The following PRKAR2B variants were observed in gnomAD, a reference collection of about 807,000 sequenced individuals.
PRKAR2B encodes the protein protein kinase cAMP-dependent type II regulatory subunit beta.
In PRKAR2B, 14 loss-of-function variants were observed where a neutral mutation model predicts 49.9. That is an observed-to-expected ratio of 0.28 (90% CI 0.19 to 0.44). PRKAR2B has a LOEUF of 0.44. Ranked by LOEUF, PRKAR2B falls within the 20% of genes least tolerant of loss-of-function variation. The pLI, the probability that PRKAR2B is intolerant of heterozygous loss-of-function variation, is 1.00. For synonymous variants in PRKAR2B, 196 were observed against 197.7 expected (o/e 0.99, Z 0.07); for missense variants, 393 against 537.9 (o/e 0.73, Z 2.67).
chr7:107,083,563 T>C (rs1794556652), intron 2 of PRKAR2B, among the ~76,000 whole-genome samples: 1 of 152,140 alleles, frequency 6.6e-6, no homozygotes, highest in African/African-American at 2.4e-5. Context: ...CTTTTTATTT[T>C]TAATATTATT....
intron 3 of PRKAR2B, among the ~76,000 whole-genome samples, chr7:107,122,865 G>A (rs1297262682): frequency 6.6e-6 from 1 of 152,040 alleles, no homozygotes; most frequent in Non-Finnish European, 1.5e-5. Flanking sequence ...TTTTATTCCT[G>A]GACCCATGGG....
In PRKAR2B at chr7:107,159,636, T is replaced by G; in HGVS notation, c.*54T>G. 6.4e-7 allele frequency: 1 copy of G among 1,565,992 alleles called. No individual in the cohort carries two copies. The highest frequency in any genetic ancestry group is 1.8e-5 in the Admixed American group (1 of 56,172). On this transcript the variant is annotated 3_prime_UTR_variant, in exon 11 of 11. Coordinates refer to ENST00000265717, the MANE Select transcript of PRKAR2B (RefSeq NM_002736.3). ...GACAAAATTACACAGTAGTGGTTAGTCCACTGAGAATGTGTTTGTGTAGAT... is the reference window on the plus strand; with the variant it reads ...GACAAAATTACACAGTAGTGGTTAGGCCACTGAGAATGTGTTTGTGTAGAT...
chr7:107,101,338 G>A (rs1422638950), intron 2 of PRKAR2B, among the ~76,000 whole-genome samples: 1 of 152,066 alleles, frequency 6.6e-6, no homozygotes, highest in Non-Finnish European at 1.5e-5. Context: ...ACTTGTGTGA[G>A]TTTGGGGGCA....
rs929214250 is a variant in PRKAR2B at position 107,054,184 on chromosome 7, C to G, written c.307+8970C>G. On this transcript the variant is annotated intron_variant, in intron 1 of 10. Transcript: ENST00000265717. ...CTAACTTGGTGAAACCCCGTCTCTA[C>G]TAAAAATACACACAAAAAAATTAGC... Among the ~76,000 whole-genome samples the G allele has an allele frequency of 3.9e-5, 6 of 152,024 alleles. No individual in the cohort carries two copies. In the South Asian group the frequency reaches 1.0e-3, roughly 26 times the overall value.
At chr7:107,100,191 C>G (rs1794932360) in intron 2 of PRKAR2B, among the ~76,000 whole-genome samples, 1 of 151,996 alleles carries the variant, frequency 6.6e-6, no homozygotes, top group Non-Finnish European at 1.5e-5. Flanking sequence ...CATTTGCTAG[C>G]TGCAAATACT....
At chr7:107,137,450 C>A (rs1419314544) in intron 4 of PRKAR2B, among the ~76,000 whole-genome samples, 1 of 152,184 alleles carries the variant, frequency 6.6e-6, no homozygotes, top group Non-Finnish European at 1.5e-5. Context: ...TATATGACAG[C>A]TTATTTATCC....
intron 2 of PRKAR2B, among the ~76,000 whole-genome samples, chr7:107,094,639 A>G (rs978976567): frequency 4.4e-4 from 67 of 152,176 alleles, no homozygotes; most frequent in Non-Finnish European, 1.8e-4. Flanking sequence ...TTATGGTTTT[A>G]GGTCTAACAT....
chr7:107,072,609 T>G (rs551738690), intron 2 of PRKAR2B, among the ~76,000 whole-genome samples: 136 of 152,302 alleles, frequency 8.9e-4, no homozygotes, highest in African/African-American at 2.8e-3. Flanking sequence ...ACAAAGAATA[T>G]AGAAACAGTC....
At chr7:107,048,716 A>G (rs897583807) in intron 1 of PRKAR2B, among the ~76,000 whole-genome samples, 1 of 152,192 alleles carries the variant, frequency 6.6e-6, no homozygotes, top group Non-Finnish European at 1.5e-5. Flanking sequence ...AAACAGTCAG[A>G]TGGGTGAAGG....
intron 2 of PRKAR2B, among the ~76,000 whole-genome samples, chr7:107,118,828 A>G (rs945506659): frequency 6.6e-6 from 1 of 152,344 alleles, no homozygotes; most frequent in Admixed American, 6.5e-5. Context: ...GGAGCTTTAT[A>G]AGGCACGATG....
chr7:107,067,182 C>G (rs963322839), intron 1 of PRKAR2B: 1 of 152,202 alleles, frequency 6.6e-6, no homozygotes, highest in Non-Finnish European at 1.5e-5. Context: ...TGGCCAGATG[C>G]ACATTTCTTT....
chr7:107,055,676 T>G (rs1350462571), intron 1 of PRKAR2B, among the ~76,000 whole-genome samples: 1 of 152,242 alleles, frequency 6.6e-6, no homozygotes, highest in East Asian at 1.9e-4. Flanking sequence ...TTTTTTCTTG[T>G]AAATTTGTTT....
intron 6 of PRKAR2B, among the ~76,000 whole-genome samples, chr7:107,149,398 A>G (rs1795945005): frequency 6.6e-6 from 1 of 152,088 alleles, no homozygotes; most frequent in Non-Finnish European, 1.5e-5. Flanking sequence ...TTTATTTCTC[A>G]TGGTCTGGAC....
chr7:107,094,032 T>C (rs1794787825), intron 2 of PRKAR2B, among the ~76,000 whole-genome samples: 1 of 152,200 alleles, frequency 6.6e-6, no homozygotes, highest in African/African-American at 2.4e-5. Context: ...TACCCAGTAA[T>C]GGGATGGCTG....
At chr7:107,133,598 T>C (rs1795641765) in intron 4 of PRKAR2B, 1 of 152,212 alleles carries the variant, frequency 6.6e-6, no homozygotes, top group South Asian at 2.1e-4. Flanking sequence ...GCTGTTTCAC[T>C]GCTACCTTGG....
chr7:107,125,780 A>G (rs1795471189), intron 3 of PRKAR2B, among the ~76,000 whole-genome samples: 1 of 152,056 alleles, frequency 6.6e-6, no homozygotes, highest in Admixed American at 6.6e-5. Flanking sequence ...GGCTGAGAAA[A>G]AAAATACTAC....
chr7:107,097,726 A>G (rs548136299), intron 2 of PRKAR2B, among the ~76,000 whole-genome samples: 4 of 152,080 alleles, frequency 2.6e-5, no homozygotes, highest in Non-Finnish European at 5.9e-5. Context: ...ATCTCTCAGC[A>G]TTTGCTTGTC....
intron 2 of PRKAR2B, among the ~76,000 whole-genome samples, chr7:107,074,042 C>A (rs1333789549): frequency 6.6e-6 from 1 of 152,050 alleles, no homozygotes; most frequent in East Asian, 1.9e-4. Flanking sequence ...ACCTGGGCAA[C>A]AGAGTGAGAC....
At chr7:107,137,001 A>C (rs972811037) in intron 4 of PRKAR2B, among the ~76,000 whole-genome samples, 1 of 152,210 alleles carries the variant, frequency 6.6e-6, no homozygotes, top group Non-Finnish European at 1.5e-5. Flanking sequence ...CATGGAAGAC[A>C]TGGAAGAACC....
Sources: allele counts gnomAD v4.1 joint callset (sites outside exome capture counted in the v4.1 genomes callset), GRCh38; gene constraint gnomAD v4.1.1; transcripts MANE v1.5; gene names NCBI Gene and HGNC (gene_info 2026-07-23, HGNC 2026-07-21).